SENP5: variants seen among roughly 807,000 people sequenced by gnomAD.
SENP5 encodes the protein sentrin-specific protease 5.
Under a neutral mutation model 74.2 loss-of-function variants are expected in SENP5, and 21 were observed. The observed-to-expected ratio is 0.28, with a 90% CI of 0.20 to 0.41. SENP5 has a LOEUF of 0.41. Ranked by LOEUF, SENP5 falls within the 10% of genes least tolerant of loss-of-function variation. SENP5 has a pLI of 1.00. For synonymous variants in SENP5, 311 were observed against 312.7 expected (o/e 0.99, Z 0.06); for missense variants, 717 against 889.1 (o/e 0.81, Z 2.46).
intron 1 of SENP5, among the ~76,000 whole-genome samples, chr3:196,879,743 A>C (rs1275124622): frequency 6.6e-6 from 1 of 152,104 alleles, no homozygotes; most frequent in Non-Finnish European, 1.5e-5. Flanking sequence ...GATAACTTAC[A>C]TCTCTGTAAA....
intron 7 of SENP5, 109 bp downstream of exon 7, chr3:196,923,660 CA>C: frequency 2.9e-6 from 2 of 688,690 alleles, no homozygotes; most frequent in South Asian, 4.1e-5. Context: ...CAGTTTATGT[CA>C]TGAAAATCCT....
chr3:196,888,074 A>G (rs1384557391), intron 2 of SENP5, among the ~76,000 whole-genome samples: 2 of 152,150 alleles, frequency 1.3e-5, no homozygotes, highest in Non-Finnish European at 2.9e-5. Context: ...CGCCTGGCCT[A>G]AAGCTTACCT....
At chr3:196,920,014 A>G (rs938020644) in intron 6 of SENP5, among the ~76,000 whole-genome samples, 3 of 152,138 alleles carry the variant, frequency 2.0e-5, no homozygotes, top group Non-Finnish European at 4.4e-5. Flanking sequence ...TGAGTCTGGC[A>G]GCTTTATCCT....
intron 1 of SENP5, among the ~76,000 whole-genome samples, chr3:196,882,770 T>C (rs1016606520): frequency 2.0e-5 from 3 of 152,046 alleles, no homozygotes; most frequent in African/African-American, 7.2e-5. Context: ...TCCCGAAGTA[T>C]TGGGATTACA....
intron 7 of SENP5, among the ~76,000 whole-genome samples, chr3:196,926,623 G>T (rs991915089): frequency 6.7e-6 from 1 of 149,972 alleles, no homozygotes; most frequent in African/African-American, 2.5e-5. Flanking sequence ...TTCTGAAGAG[G>T]TGGCTTCCAG....
At chr3:196,870,339 G>A (rs1184835655) in intron 1 of SENP5, among the ~76,000 whole-genome samples, 1 of 152,078 alleles carries the variant, frequency 6.6e-6, no homozygotes. Context: ...ATCAGGCTGC[G>A]TTGAACTTTC....
At chr3:196,903,340 A>G (rs532338788) in intron 5 of SENP5, among the ~76,000 whole-genome samples, 193 bp from the exon 6 acceptor site, 24 of 152,262 alleles carry the variant, frequency 1.6e-4, no homozygotes, top group African/African-American at 5.5e-4. Context: ...GTGTCTCACC[A>G]TGTTGGCCAG....
Position 196,885,159 on chromosome 3 carries a change from A to G in SENP5, c.-23A>G, listed in dbSNP as rs1448096858. 1.9e-6 allele frequency: 3 copies of G among 1,560,750 alleles called. No homozygotes were observed. Among genetic ancestry groups the G allele is most frequent in the Middle Eastern group, 1.7e-4 (1 of 5,902 alleles). On this transcript the variant is annotated 5_prime_UTR_variant, in exon 2 of 10. Coordinates refer to ENST00000323460, the MANE Select transcript of SENP5 (RefSeq NM_152699.5). Reference sequence around the variant, plus strand: ...ACTTCTCTTCTTTACAGCTGCATCCAGATCTCATTATGCATCAGAAAAATG... The same window carrying G: ...ACTTCTCTTCTTTACAGCTGCATCCGGATCTCATTATGCATCAGAAAAATG...
intron 2 of SENP5, among the ~76,000 whole-genome samples, chr3:196,891,662 G>A (rs1714205054): frequency 6.6e-6 from 1 of 152,178 alleles, no homozygotes; most frequent in Non-Finnish European, 1.5e-5. Flanking sequence ...ATCTGCATGT[G>A]GTGGTGCATG....
At chr3:196,873,057 C>T (rs1713285253) in intron 1 of SENP5, among the ~76,000 whole-genome samples, 1 of 147,900 alleles carries the variant, frequency 6.8e-6, no homozygotes, top group Non-Finnish European at 1.5e-5. Context: ...TCCCTGCAAG[C>T]TTGAGATTTA....
At chr3:196,916,025 A>G (rs534554242) in intron 6 of SENP5, among the ~76,000 whole-genome samples, 2 of 152,306 alleles carry the variant, frequency 1.3e-5, no homozygotes, top group South Asian at 4.1e-4. Flanking sequence ...ACCTGCAGGC[A>G]TCAAGAACAT....
At chr3:196,894,951 C>T (rs918828609) in intron 2 of SENP5, among the ~76,000 whole-genome samples, 1 of 152,174 alleles carries the variant, frequency 6.6e-6, no homozygotes, top group Non-Finnish European at 1.5e-5. Context: ...CGCATCTTTT[C>T]ACTTAGGTTT....
chr3:196,900,066 A>G lies in SENP5; in HGVS notation c.1758+4A>G. 1 of 1,606,958 alleles carries G rather than the reference A, an allele frequency of 6.2e-7. No individual in the cohort carries two copies. Among genetic ancestry groups the G allele is most frequent in the Non-Finnish European group, 8.5e-7 (1 of 1,177,764 alleles). On this transcript the variant is annotated splice_donor_region_variant and intron_variant, in intron 4 of 9. Coordinates refer to ENST00000323460, the MANE Select transcript of SENP5 (RefSeq NM_152699.5). ...TCAGAACTGGCTGAATGACCAGGTT[A>G]GTATATTGTAGTTTTTCAGTGTGGA... is the stretch of plus-strand genomic sequence containing the variant.
At chr3:196,920,339 TATC>T (rs1715567862) in intron 6 of SENP5, among the ~76,000 whole-genome samples, 1 of 152,250 alleles carries the variant, frequency 6.6e-6, no homozygotes, top group African/African-American at 2.4e-5. Flanking sequence ...TAAAAAATAT[TATC>T]TTCTAGTTGT....
intron 6 of SENP5, among the ~76,000 whole-genome samples, chr3:196,904,141 G>A (rs923285887): frequency 2.0e-5 from 3 of 152,178 alleles, no homozygotes; most frequent in African/African-American, 4.8e-5. Flanking sequence ...TACTATGTAT[G>A]ATGTACTCTA....
chr3:196,907,489 A>G (rs1714951983), intron 6 of SENP5, among the ~76,000 whole-genome samples: 1 of 151,950 alleles, frequency 6.6e-6, no homozygotes, highest in South Asian at 2.1e-4. Context: ...AGATGCTTAT[A>G]TTCCATTTGG....
chr3:196,920,596 G>A (rs1410383927), intron 6 of SENP5, among the ~76,000 whole-genome samples: 2 of 152,158 alleles, frequency 1.3e-5, no homozygotes, highest in Non-Finnish European at 1.5e-5. Context: ...TCTTTCCCTA[G>A]TTCTCAGTCT....
chr3:196,930,603 TCTAA>T (rs1396400421), intron 9 of SENP5, among the ~76,000 whole-genome samples: 1 of 152,134 alleles, frequency 6.6e-6, no homozygotes, highest in Non-Finnish European at 1.5e-5. Flanking sequence ...CTTATGAGAA[TCTAA>T]CTAATGCCTG....
rs574761449 is a variant in SENP5 at position 196,895,577 on chromosome 3, C to T, written c.1514-4089C>T. Reference sequence around the variant, plus strand: ...CGTTCTGTTGCCCAAGTTGGAGTGCCGTGGTGGGATCTTGGCTCACTGCAG... The same window carrying T: ...CGTTCTGTTGCCCAAGTTGGAGTGCTGTGGTGGGATCTTGGCTCACTGCAG... On this transcript the variant is annotated intron_variant, in intron 2 of 9. Transcript: ENST00000323460. 3.5e-3 allele frequency among the ~76,000 whole-genome samples: 526 copies of T among 151,732 alleles called. 3 individuals carry two copies. Among genetic ancestry groups the T allele is most frequent in the Non-Finnish European group, 6.1e-3 (417 of 67,936 alleles).
Sources: allele counts gnomAD v4.1 joint callset (sites outside exome capture counted in the v4.1 genomes callset), GRCh38; gene constraint gnomAD v4.1.1; transcripts MANE v1.5; gene names NCBI Gene and HGNC (gene_info 2026-07-23, HGNC 2026-07-21).